The following MRTFB variants were observed in gnomAD, a reference collection of about 807,000 sequenced individuals.
MRTFB encodes the protein myocardin-related transcription factor B.
Under a neutral mutation model 104.2 loss-of-function variants are expected in MRTFB, and 29 were observed. The ratio of observed to expected loss-of-function variants is 0.28; its 90% CI spans 0.21 to 0.38. MRTFB has a LOEUF of 0.38. Among genes scored for constraint, MRTFB ranks in the 10% least tolerant of loss-of-function variants. The pLI is 1.00. For missense variants in MRTFB, 1,270 were observed against 1,341.6 expected, an observed-to-expected ratio of 0.95 and a Z score of 0.83; for synonymous variants, 535 against 519.5, an observed-to-expected ratio of 1.03 and a Z score of -0.41.
chr16:13,996,182 G>A, the MRTFB span, among the ~76,000 whole-genome samples: 3 of 151,976 alleles, frequency 2.0e-5, no homozygotes, highest in Non-Finnish European at 4.4e-5. Context: ...TGAGGCATGA[G>A]AATCACTTGA....
At chr16:14,243,255 C>T (rs946232396) in intron 10 of MRTFB, among the ~76,000 whole-genome samples, 3 of 152,178 alleles carry the variant, frequency 2.0e-5, no homozygotes, top group Non-Finnish European at 4.4e-5. Context: ...TTAACTTCAA[C>T]AAAATTCAGC....
intron 3 of MRTFB, among the ~76,000 whole-genome samples, chr16:14,193,306 C>T (rs1431253563): frequency 4.0e-5 from 6 of 150,596 alleles, no homozygotes; most frequent in Admixed American, 1.3e-4. Flanking sequence ...AATTGATTTC[C>T]GTTGTACTTG....
At chr16:14,127,441 G>A (rs562699374) in intron 2 of MRTFB, among the ~76,000 whole-genome samples, 2 of 152,078 alleles carry the variant, frequency 1.3e-5, no homozygotes, top group South Asian at 4.2e-4. Flanking sequence ...AGGAGATAGA[G>A]ACCATCCTGG....
At chr16:14,005,396 GA>G in the MRTFB span, among the ~76,000 whole-genome samples, 1 of 152,184 alleles carries the variant, frequency 6.6e-6, no homozygotes, top group Non-Finnish European at 1.5e-5. Context: ...GCATCACCCA[GA>G]AAGATTCAGC....
At chr16:14,147,234 A>G (rs1053787848) in intron 3 of MRTFB, among the ~76,000 whole-genome samples, 2 of 152,198 alleles carry the variant, frequency 1.3e-5, no homozygotes, top group African/African-American at 4.8e-5. Flanking sequence ...ATATTTTTAA[A>G]AATTGGGCTT....
intron 3 of MRTFB, among the ~76,000 whole-genome samples, chr16:14,179,987 T>C (rs1432880985): frequency 6.6e-6 from 1 of 152,252 alleles, no homozygotes; most frequent in African/African-American, 2.4e-5. Flanking sequence ...GCCAAACTAA[T>C]GTGACCCTAC....
the MRTFB span, among the ~76,000 whole-genome samples, chr16:14,057,463 C>T: frequency 1.3e-5 from 2 of 152,014 alleles, no homozygotes; most frequent in Non-Finnish European, 2.9e-5. Context: ...TCTGACTTCC[C>T]ATCTTTATTT....
intron 4 of MRTFB, among the ~76,000 whole-genome samples, chr16:14,211,768 A>G (rs1217300731): frequency 6.6e-6 from 1 of 152,046 alleles, no homozygotes; most frequent in Admixed American, 6.5e-5. Context: ...TCAAATTCAA[A>G]ATTCTAGATT....
intron 7 of MRTFB, 75 bp from the exon 8 acceptor site, chr16:14,218,745 T>C: frequency 4.9e-6 from 7 of 1,418,970 alleles, no homozygotes; most frequent in Non-Finnish European, 6.6e-6. Flanking sequence ...TAGGAAACAA[T>C]GTTTTCCTCC....
chr16:14,024,143 A>G, the MRTFB span, among the ~76,000 whole-genome samples: 1 of 151,802 alleles, frequency 6.6e-6, no homozygotes, highest in African/African-American at 2.4e-5. Flanking sequence ...GCCGCCTCCT[A>G]TTGGTGTTGT....
In MRTFB at chr16:14,247,159, C is replaced by G. The variant is rs774879850; in HGVS notation, c.1899C>G (p.Ser633Arg). The change falls in exon 12 of 17, where the codon AGC becomes AGG. Residue 633 changes from serine (S) to arginine (R), a missense_variant. Transcript: ENST00000571589. ...HSVKSDQKHG[S>R]LGSSIKDEAS... ...TCAAGTCAGATCAGAAGCACGGCAG[C>G]CTTGGCTCCTCCATCAAAGATGAGG... 11 of 1,614,156 alleles carry G rather than the reference C, an allele frequency of 6.8e-6. No individual in the cohort carries two copies. The highest frequency in any genetic ancestry group is 9.3e-6 in the Non-Finnish European group (11 of 1,180,032).
intron 3 of MRTFB, among the ~76,000 whole-genome samples, chr16:14,176,338 T>C (rs2039582687): frequency 6.6e-6 from 1 of 152,164 alleles, no homozygotes; most frequent in South Asian, 2.1e-4. Flanking sequence ...ATTATAAAAT[T>C]TACGAAGATG....
intron 2 of MRTFB, among the ~76,000 whole-genome samples, chr16:14,082,558 G>C (rs1309240593): frequency 3.3e-5 from 5 of 152,132 alleles, no homozygotes; most frequent in African/African-American, 1.2e-4. Context: ...AAGGTGGGAG[G>C]ATAGTTTGAA....
At position 14,252,468 on chromosome 16, in the gene MRTFB, A is replaced by G. The variant is rs1470426688; in HGVS notation, c.2669A>G (p.Lys890Arg). The change falls in exon 15 of 17, where the codon AAG becomes AGG. Residue 890 changes from lysine (K) to arginine (R), a missense_variant. Lys to Arg is a conservative substitution (Grantham distance 26, BLOSUM62 2). Coordinates refer to ENST00000571589, the MANE Select transcript of MRTFB (RefSeq NM_001308142.2). Reference protein sequence around the residue: ...KDPPRYEEAIKQTRSTQAPLP... With the variant: ...KDPPRYEEAIRQTRSTQAPLP... Reference sequence around the variant, plus strand: ...CCCCCCCGCTATGAGGAGGCCATCAAGCAGACACGCAGCACACAGGCCCCT... The same window carrying G: ...CCCCCCCGCTATGAGGAGGCCATCAGGCAGACACGCAGCACACAGGCCCCT... The G allele has an allele frequency of 3.1e-6, 5 of 1,613,866 alleles. No individual in the cohort carries two copies. In the African/African-American group the frequency reaches 5.3e-5, roughly 17 times the overall value.
At chr16:14,137,904 G>A (rs1297633992) in intron 2 of MRTFB, among the ~76,000 whole-genome samples, 1 of 151,856 alleles carries the variant, frequency 6.6e-6, no homozygotes, top group Non-Finnish European at 1.5e-5. Flanking sequence ...TGATAAGGTT[G>A]GATTTAGGTC....
At chr16:14,006,013 T>C in the MRTFB span, among the ~76,000 whole-genome samples, 1 of 150,316 alleles carries the variant, frequency 6.7e-6, no homozygotes, top group South Asian at 2.1e-4. Context: ...TTGGAGACCA[T>C]CCTGGCCAAC....
rs1335800742 is a variant in MRTFB at position 14,201,491 on chromosome 16, A to G, written c.155-8752A>G. 2.0e-5 allele frequency among the ~76,000 whole-genome samples: 3 copies of G among 152,136 alleles called. No homozygotes were observed. In the East Asian group the frequency reaches 5.8e-4, roughly 29 times the overall value. ...TTTTTAATATGTACTTCCTGGGGAA[A>G]TTTCTTAGATGTTTGCAAGCAAGTG... On this transcript the variant is annotated intron_variant, in intron 3 of 16. Transcript: ENST00000571589.
chr16:14,174,051 G>A (rs1214453409), intron 3 of MRTFB, among the ~76,000 whole-genome samples: 1 of 150,030 alleles, frequency 6.7e-6, no homozygotes, highest in Non-Finnish European at 1.5e-5. Context: ...TTTACTTTAT[G>A]GAACTTGTTT....
At chr16:14,228,053 T>C (rs1010735559) in intron 8 of MRTFB, among the ~76,000 whole-genome samples, 1 of 151,656 alleles carries the variant, frequency 6.6e-6, no homozygotes, top group African/African-American at 2.4e-5. Flanking sequence ...ATATCACTAA[T>C]CATTAAGGAA....
Sources: allele counts gnomAD v4.1 joint callset (sites outside exome capture counted in the v4.1 genomes callset), GRCh38; gene constraint gnomAD v4.1.1; transcripts MANE v1.5; gene names NCBI Gene and HGNC (gene_info 2026-07-23, HGNC 2026-07-21).